Variants in WARS2 observed in about 807,000 individuals in gnomAD.
WARS2 encodes tryptophan--tRNA ligase, mitochondrial.
Under a neutral mutation model 36.5 loss-of-function variants are expected in WARS2, and 28 were observed. That is an observed-to-expected ratio of 0.77 (90% CI 0.57 to 1.05). WARS2 has a LOEUF of 1.05. Among genes scored for constraint, WARS2 ranks in the 50% least tolerant of loss-of-function variants. The pLI, the probability that WARS2 is intolerant of heterozygous loss-of-function variation, is 0.00. For missense variants in WARS2, 435 were observed against 456.8 expected, an observed-to-expected ratio of 0.95 and a Z score of 0.44; for synonymous variants, 174 against 178.4, an observed-to-expected ratio of 0.98 and a Z score of 0.20.
chr1:119,043,311 A>AT (rs918926236), intron 3 of WARS2, among the ~76,000 whole-genome samples: 1 of 152,202 alleles, frequency 6.6e-6, no homozygotes, highest in African/African-American at 2.4e-5. Flanking sequence ...CTCAAGTCTG[A>AT]TTATTTCCAA....
At chr1:119,095,062 T>C (rs1360743022) in intron 1 of WARS2, among the ~76,000 whole-genome samples, 1 of 152,174 alleles carries the variant, frequency 6.6e-6, no homozygotes, top group African/African-American at 2.4e-5. Context: ...AGGTTTTTTT[T>C]ATGATCGATT....
intron 1 of WARS2, among the ~76,000 whole-genome samples, chr1:119,106,850 G>T (rs1654274244): frequency 6.6e-6 from 1 of 152,180 alleles, no homozygotes; most frequent in African/African-American, 2.4e-5. Context: ...AGATTGTATG[G>T]TAAGAGTATA....
intron 1 of WARS2, among the ~76,000 whole-genome samples, chr1:119,103,401 G>A (rs79134063): frequency 0.013 from 1,984 of 152,226 alleles, 12 homozygotes; most frequent in Non-Finnish European, 0.021. Context: ...TTTGGGTCAA[G>A]AGCTTTGGGC....
chr1:119,129,577 G>C (rs1228531954), intron 1 of WARS2, among the ~76,000 whole-genome samples: 1 of 152,104 alleles, frequency 6.6e-6, no homozygotes, highest in African/African-American at 2.4e-5. Flanking sequence ...AAATGTGGTG[G>C]TTTGTGCCTG....
chr1:119,052,112 T>C (rs1473638136), intron 2 of WARS2, among the ~76,000 whole-genome samples: 2 of 152,146 alleles, frequency 1.3e-5, no homozygotes, highest in African/African-American at 4.8e-5. Flanking sequence ...ATTTTTTTAA[T>C]TTCAAAAATA....
intron 1 of WARS2, among the ~76,000 whole-genome samples, chr1:119,118,765 G>C (rs905331559): frequency 2.0e-5 from 3 of 150,600 alleles, no homozygotes; most frequent in Non-Finnish European, 4.4e-5. Flanking sequence ...GAAGGGATTG[G>C]GGTCCTATTT....
At chr1:119,115,956 TAGAA>T (rs1378910495) in intron 1 of WARS2, among the ~76,000 whole-genome samples, 4 of 152,186 alleles carry the variant, frequency 2.6e-5, no homozygotes, top group South Asian at 4.1e-4. Context: ...CATTGTCTTA[TAGAA>T]AGACTCTCAC....
At chr1:119,099,412 A>G (rs1028062615) in intron 1 of WARS2, among the ~76,000 whole-genome samples, 2 of 152,270 alleles carry the variant, frequency 1.3e-5, no homozygotes, top group Non-Finnish European at 2.9e-5. Flanking sequence ...GATGACTTCA[A>G]TACAACAAAA....
intron 1 of WARS2, among the ~76,000 whole-genome samples, chr1:119,129,275 G>A (rs1337625649): frequency 6.6e-6 from 1 of 152,202 alleles, no homozygotes; most frequent in African/African-American, 2.4e-5. Context: ...GGATGTGTCA[G>A]CACCTTGATC....
chr1:119,034,926 C>T (rs984183920), intron 4 of WARS2, among the ~76,000 whole-genome samples: 13 of 152,114 alleles, frequency 8.5e-5, no homozygotes, highest in African/African-American at 3.1e-4. Flanking sequence ...AAAAAACATA[C>T]TGGAAGCTCC....
chr1:119,097,356 C>T (rs1022474280), intron 1 of WARS2, among the ~76,000 whole-genome samples: 19 of 152,286 alleles, frequency 1.2e-4, no homozygotes, highest in African/African-American at 2.6e-4. Flanking sequence ...CCCACCCCAC[C>T]GGCACTACTG....
At chr1:119,136,153 G>A (rs1656494955) in intron 1 of WARS2, among the ~76,000 whole-genome samples, 1 of 151,888 alleles carries the variant, frequency 6.6e-6, no homozygotes, top group South Asian at 2.1e-4. Context: ...TGTACATATA[G>A]TTGTAGAAGC....
chr1:119,127,350 G>A (rs968168058), intron 1 of WARS2: 6 of 400,936 alleles, frequency 1.5e-5, no homozygotes, highest in East Asian at 6.0e-5. Flanking sequence ...TTTTACAGAT[G>A]AAAAAAAATT....
intron 2 of WARS2, among the ~76,000 whole-genome samples, chr1:119,071,407 G>A (rs1194417816): frequency 6.6e-6 from 1 of 152,114 alleles, no homozygotes; most frequent in East Asian, 1.9e-4. Flanking sequence ...GTTTATTGCA[G>A]CACTATTCAT....
chr1:119,055,084 A>G (rs1649661326), intron 2 of WARS2, among the ~76,000 whole-genome samples: 1 of 152,222 alleles, frequency 6.6e-6, no homozygotes, highest in Admixed American at 6.5e-5. Context: ...GGTATATAAA[A>G]ATATAGATGA....
chr1:119,095,650 C>G (rs1653387558), intron 1 of WARS2, among the ~76,000 whole-genome samples: 1 of 152,140 alleles, frequency 6.6e-6, no homozygotes, highest in African/African-American at 2.4e-5. Context: ...CCAGGCTGGT[C>G]TTGAACTCCT....
intron 2 of WARS2, among the ~76,000 whole-genome samples, chr1:119,060,060 A>G (rs796688085): frequency 4.6e-5 from 7 of 152,332 alleles, no homozygotes; most frequent in African/African-American, 1.7e-4. Flanking sequence ...TATGTAACAA[A>G]CCTGCACTTG....
At chr1:119,050,410 C>T (rs1426968985) in intron 2 of WARS2, among the ~76,000 whole-genome samples, 1 of 152,070 alleles carries the variant, frequency 6.6e-6, no homozygotes, top group Non-Finnish European at 1.5e-5. Context: ...TTATGTTTGG[C>T]TTATTTATTT....
At chr1:119,082,949 C>T (rs752284766) in intron 1 of WARS2, among the ~76,000 whole-genome samples, 2 of 152,202 alleles carry the variant, frequency 1.3e-5, no homozygotes, top group Non-Finnish European at 2.9e-5. Flanking sequence ...AGGCTTCAGG[C>T]TGGGTGTGGT....
Sources: allele counts gnomAD v4.1 joint callset (sites outside exome capture counted in the v4.1 genomes callset), GRCh38; gene constraint gnomAD v4.1.1; transcripts MANE v1.5; gene names NCBI Gene and HGNC (gene_info 2026-07-23, HGNC 2026-07-21).